The following DUSP11 variants were observed in gnomAD, a reference collection of about 807,000 sequenced individuals.
DUSP11 encodes the protein dual specificity phosphatase 11.
In DUSP11, 27 loss-of-function variants were observed where a neutral mutation model predicts 41.4. The ratio of observed to expected loss-of-function variants is 0.65; its 90% confidence interval spans 0.48 to 0.90. The LOEUF (loss-of-function observed/expected upper bound fraction) is 0.90. Among genes scored for constraint, DUSP11 ranks in the 40% least tolerant of loss-of-function variants. DUSP11 has a pLI of 0.00. For synonymous variants in DUSP11, 188 were observed against 159.3 expected (o/e 1.18, Z -1.35); for missense variants, 465 against 461.1 (o/e 1.01, Z -0.08).
chr2:73,779,545 A>G lies in DUSP11; in HGVS notation c.242+329T>C, dbSNP rs950615408. The stretch of plus-strand genomic sequence containing the variant: ...TCAAACCATTACACTTTCCGTGCCA[A>G]CGTAACAAGGAATTGAGGAGGTTCC... On this transcript the variant is annotated intron_variant, in intron 1 of 8. Coordinates refer to ENST00000272444, the Ensembl canonical transcript of DUSP11. 1.5e-5 allele frequency: 5 copies of G among 332,198 alleles called. No homozygotes were observed. In the East Asian group the frequency reaches 2.4e-4, roughly 16 times the overall value. The allele number at this position is 332,198 out of a possible 1,614,324, so 20.6% of individuals were successfully genotyped here.
intron 2 of DUSP11, among the ~76,000 whole-genome samples, chr2:73,775,863 T>TAAAAAAAA (rs1558535250): frequency 9.9e-6 from 1 of 101,504 alleles, no homozygotes; most frequent in African/African-American, 4.5e-5. Context: ...AAAAAAAAAT[T>TAAAAAAAA]TAAAAAAAAA....
chr2:73,773,905 G>T (rs765418416), exon 4 of DUSP11: 18 of 1,601,864 alleles, frequency 1.1e-5, no homozygotes, highest in Non-Finnish European at 8.5e-7. Context: ...TTTAAGTAAG[G>T]AACAGTTTCT....
chr2:73,762,770 G>A, exon 9 of DUSP11: 1 of 1,613,760 alleles, frequency 6.2e-7, no homozygotes, highest in Non-Finnish European at 8.5e-7. Context: ...CACATTCCAA[G>A]AATACCTCCT....
intron 2 of DUSP11, among the ~76,000 whole-genome samples, chr2:73,776,689 C>CA (rs949032495): frequency 5.3e-5 from 8 of 151,614 alleles, no homozygotes; most frequent in East Asian, 1.9e-4. Context: ...TATTTTGCCA[C>CA]AAAAAAAATG....
In DUSP11 at chr2:73,769,245, C is replaced by G; in HGVS notation, c.635+20G>C. On this transcript the variant is annotated intron_variant, in intron 5 of 8. Coordinates refer to ENST00000272444, the Ensembl canonical transcript of DUSP11. ...ACAAAAACAATTTAAAATGGTCTGC[C>G]TCTGGGGTTGGCAACTTACCTGCAA... The G allele has an allele frequency of 1.2e-6, 2 of 1,606,318 alleles. No homozygotes were observed. Among genetic ancestry groups the G allele is most frequent in the Non-Finnish European group, 1.7e-6 (2 of 1,173,414 alleles).
At chr2:73,772,497 G>A (rs533431503) in intron 4 of DUSP11, among the ~76,000 whole-genome samples, 1 of 152,158 alleles carries the variant, frequency 6.6e-6, no homozygotes, top group Non-Finnish European at 1.5e-5. Context: ...ACTACAATCA[G>A]TATAACGTGA....
chr2:73,767,043 T>TC (rs1672479110), intron 6 of DUSP11, 118 bp downstream of exon 6: 1 of 1,264,570 alleles, frequency 7.9e-7, no homozygotes, highest in East Asian at 2.3e-5. Flanking sequence ...GGCAAGACTA[T>TC]CTTATATTGG....
At chr2:73,779,965 A>C (rs1190289884) in exon 1 of DUSP11, 1 of 1,614,234 alleles carries the variant, frequency 6.2e-7, no homozygotes, top group African/African-American at 1.3e-5. Context: ...GGATGATGCC[A>C]CTGGCTCATG....
exon 2 of DUSP11, chr2:73,778,337 C>T (rs1262079366): frequency 1.3e-6 from 2 of 1,554,292 alleles, no homozygotes; most frequent in Admixed American, 4.2e-5. Context: ...TGAAACGAGT[C>T]CCAGGCATCC....
chr2:73,776,003 T>G (rs1370917505), intron 2 of DUSP11, among the ~76,000 whole-genome samples: 1 of 152,056 alleles, frequency 6.6e-6, no homozygotes, highest in South Asian at 2.1e-4. Flanking sequence ...TCTACATATA[T>G]GAAGGATGGC....
exon 8 of DUSP11, chr2:73,766,423 T>C: frequency 6.2e-7 from 1 of 1,609,962 alleles, no homozygotes; most frequent in South Asian, 1.1e-5. Context: ...GGTACCTGAC[T>C]GATTGTTGCA....
chr2:73,774,043 A>C, intron 3 of DUSP11, 120 bp from the exon 4 acceptor site: 3 of 781,388 alleles, frequency 3.8e-6, no homozygotes, highest in Non-Finnish European at 5.6e-6. Flanking sequence ...TGCCAATATC[A>C]GTATACACAA....
chr2:73,779,702 C>T, intron 1 of DUSP11, 172 bp downstream of exon 1: 1 of 946,722 alleles, frequency 1.1e-6, no homozygotes, highest in East Asian at 2.6e-5. Flanking sequence ...ACATCACAGA[C>T]ATCGCCCCTT....
chr2:73,771,404 C>T (rs557518315), intron 4 of DUSP11, among the ~76,000 whole-genome samples: 2 of 152,246 alleles, frequency 1.3e-5, no homozygotes, highest in East Asian at 1.9e-4. Context: ...CCCTGCAGCT[C>T]GAATGTTGTC....
chr2:73,765,454 T>G (rs1672442689), intron 8 of DUSP11, among the ~76,000 whole-genome samples: 1 of 152,236 alleles, frequency 6.6e-6, no homozygotes, highest in African/African-American at 2.4e-5. Flanking sequence ...CCAGCTTCCC[T>G]GGTTCTCCAG....
chr2:73,764,934 C>G (rs1672429980), intron 8 of DUSP11, among the ~76,000 whole-genome samples: 1 of 152,118 alleles, frequency 6.6e-6, no homozygotes, highest in African/African-American at 2.4e-5. Context: ...CCACTGCACT[C>G]CAGTCTGGGC....
chr2:73,767,170 C>T, exon 6 of DUSP11: 1 of 1,612,128 alleles, frequency 6.2e-7, no homozygotes, highest in South Asian at 1.1e-5. Flanking sequence ...CATTCAATTG[C>T]ATCATCTGGC....
chr2:73,766,285 G>C (rs1384549532), intron 8 of DUSP11, 133 bp downstream of exon 8: 25 of 828,840 alleles, frequency 3.0e-5, no homozygotes, highest in Non-Finnish European at 3.6e-5. Flanking sequence ...CTCCAGCCTG[G>C]ATGACAGAGC....
exon 9 of DUSP11, chr2:73,762,763 A>G: frequency 6.2e-7 from 1 of 1,613,870 alleles, no homozygotes; most frequent in African/African-American, 1.3e-5. Context: ...TGGGCTTCAC[A>G]TTCCAAGAAT....
Sources: gnomAD v4.1 joint callset for allele counts (sites outside exome capture counted in the v4.1 genomes callset) on GRCh38, gnomAD v4.1.1 for gene constraint, MANE v1.5 for transcripts, NCBI Gene and HGNC (gene_info 2026-07-23, HGNC 2026-07-21) for gene names.